Variants in NECTIN1 observed in about 807,000 individuals in gnomAD.
NECTIN1 encodes the protein nectin cell adhesion molecule 1, also known as nectin-1.
In NECTIN1, 23 loss-of-function variants were observed where a neutral mutation model predicts 48.0. That is an observed-to-expected ratio of 0.48 (90% CI 0.34 to 0.68). The LOEUF (loss-of-function observed/expected upper bound fraction) is 0.68, where lower values mean the gene tolerates loss of function less well. Ranked by LOEUF, NECTIN1 falls within the 30% of genes least tolerant of loss-of-function variation. The probability of loss-of-function intolerance (pLI) is 0.01; values close to 1 mark genes in which losing one functional copy is unlikely to be tolerated. For synonymous variants in NECTIN1, 270 were observed against 288.9 expected (o/e 0.93, Z 0.66); for missense variants, 591 against 709.9 (o/e 0.83, Z 1.90).
In NECTIN1 at chr11:119,661,509, C is replaced by G; in HGVS notation, c.*3238G>C. 1 of 985,934 alleles carries G rather than the reference C, an allele frequency of 1.0e-6. No individual in the cohort carries two copies. Among genetic ancestry groups the G allele is most frequent in the Non-Finnish European group, 1.2e-6 (1 of 830,018 alleles). The allele number at this position is 985,934 out of a possible 1,614,324, so 61.1% of individuals were successfully genotyped here. A position where few individuals can be genotyped will look rare whatever the true frequency, so the allele number is the denominator to read the frequency against. The stretch of plus-strand genomic sequence containing the variant: ...GCAGTCAGGCTTTGGGGGTCTCTGT[C>G]TGGACTCCTGAGGCCTGGGAGCACT... On this transcript the variant is annotated 3_prime_UTR_variant, in exon 6 of 6. Transcript: ENST00000264025.
At chr11:119,671,449 G>C (rs1864860773) in intron 5 of NECTIN1, among the ~76,000 whole-genome samples, 1 of 152,148 alleles carries the variant, frequency 6.6e-6, no homozygotes, top group African/African-American at 2.4e-5. Context: ...GCATGCCTTT[G>C]GGGTCCTGGT....
At chr11:119,648,254 AGGTGGTAATAGTGGT>A (rs1565376319) in intron 5 of NECTIN1, among the ~76,000 whole-genome samples, 3 of 16,744 alleles carry the variant, frequency 1.8e-4, no homozygotes, top group Non-Finnish European at 2.8e-4. Context: ...GTGGTGATAG[AGGTGGTAATAGTGGT>A]GGTGGTGATG....
In NECTIN1 at chr11:119,728,470, C is replaced by G; in HGVS notation, c.79+5G>C. ...GGTGGGGACAGCAGAGGTGAGCGCT[C>G]TTACCTGGGAGGAAGAATGCGGTCA... On this transcript the variant is annotated splice_donor_5th_base_variant and intron_variant, in intron 1 of 5. Transcript: ENST00000264025. The G allele has an allele frequency of 1.2e-6, 2 of 1,600,360 alleles. No individual in the cohort carries two copies. Among genetic ancestry groups the G allele is most frequent in the African/African-American group, 1.3e-5 (1 of 74,486 alleles).
chr11:119,669,331 G>C (rs1194886357), intron 5 of NECTIN1, among the ~76,000 whole-genome samples: 1 of 151,210 alleles, frequency 6.6e-6, no homozygotes, highest in Non-Finnish European at 1.5e-5. Flanking sequence ...AGAATTGCTT[G>C]AGCTGGGAGG....
intron 5 of NECTIN1, among the ~76,000 whole-genome samples, chr11:119,644,354 T>C (rs1864366128): frequency 6.6e-6 from 1 of 152,190 alleles, no homozygotes; most frequent in East Asian, 1.9e-4. Context: ...CGAGGAGCTT[T>C]GGGTCACACC....
downstream of NECTIN1, chr11:119,659,025 G>C (rs540383591): frequency 2.0e-5 from 3 of 152,342 alleles, no homozygotes; most frequent in East Asian, 5.8e-4. Flanking sequence ...ACAGATCTCT[G>C]TCTGGAGAAC....
At chr11:119,639,736 C>G (rs1257744100) in intron 6 of NECTIN1, 34 of 1,241,290 alleles carry the variant, frequency 2.7e-5, no homozygotes, top group Admixed American at 3.9e-5. Context: ...AGTTCCTGGT[C>G]CCCCAGGGTG....
intron 1 of NECTIN1, among the ~76,000 whole-genome samples, chr11:119,716,464 C>T (rs994955739): frequency 1.3e-5 from 2 of 152,192 alleles, no homozygotes; most frequent in African/African-American, 4.8e-5. Flanking sequence ...TCATCTCATC[C>T]CATTGTACAG....
At chr11:119,725,670 T>C (rs1408254778) in intron 1 of NECTIN1, among the ~76,000 whole-genome samples, 1 of 152,186 alleles carries the variant, frequency 6.6e-6, no homozygotes, top group East Asian at 1.9e-4. Flanking sequence ...ACTTGGAATT[T>C]CAAAGACCAC....
At position 119,677,547 on chromosome 11, in the gene NECTIN1, C is replaced by G. The variant is rs111575496; in HGVS notation, c.733+8G>C. On this transcript the variant is annotated splice_region_variant and intron_variant, in intron 3 of 5. Transcript: ENST00000264025. The surrounding 1 kb of genome is among the most constrained non-coding windows in gnomAD (Gnocchi z 5.4). ...CCCAGGAGGCCCCTGGCAGCCAGCC[C>G]TGCTCACACTGCACGTTGAGAGTGA... is the stretch of plus-strand genomic sequence containing the variant. 1 of 1,612,458 alleles carries G rather than the reference C, an allele frequency of 6.2e-7. No homozygotes were observed. The highest frequency in any genetic ancestry group is 1.3e-5 in the African/African-American group (1 of 74,978).
intron 6 of NECTIN1, chr11:119,638,937 G>T: frequency 1.2e-6 from 1 of 819,494 alleles, no homozygotes; most frequent in Non-Finnish European, 2.0e-6. Context: ...TTCCCAGGCA[G>T]CCTCCTGAGA....
Position 119,663,342 on chromosome 11 carries a change from A to C in NECTIN1, c.*1405T>G. The C allele has an allele frequency of 1.0e-6, 1 of 985,444 alleles. No homozygotes were observed. Among genetic ancestry groups the C allele is most frequent in the Non-Finnish European group, 1.2e-6 (1 of 829,918 alleles). 61.0% of individuals were successfully genotyped at this position (985,444 alleles called of 1,614,324 possible). On this transcript the variant is annotated 3_prime_UTR_variant, in exon 6 of 6. Coordinates refer to ENST00000264025, the MANE Select transcript of NECTIN1 (RefSeq NM_002855.5). ...GTCTTCCTCCATTATATACATGGGAAGACCCAGTCTGGGGTGGCTGATAGG... is the reference window on the plus strand; with the variant it reads ...GTCTTCCTCCATTATATACATGGGACGACCCAGTCTGGGGTGGCTGATAGG...
intron 1 of NECTIN1, among the ~76,000 whole-genome samples, chr11:119,682,542 C>A (rs1451411541): frequency 6.6e-6 from 1 of 152,186 alleles, no homozygotes; most frequent in Non-Finnish European, 1.5e-5. Flanking sequence ...CATTCCACCT[C>A]TGCCATTGAT....
chr11:119,718,149 G>A (rs1428737131), intron 1 of NECTIN1, among the ~76,000 whole-genome samples: 3 of 152,204 alleles, frequency 2.0e-5, no homozygotes, highest in Non-Finnish European at 2.9e-5. Context: ...GGTGTGCTGG[G>A]AGGAGCATCA....
chr11:119,725,742 G>A (rs1293811788), intron 1 of NECTIN1, among the ~76,000 whole-genome samples: 1 of 152,214 alleles, frequency 6.6e-6, no homozygotes, highest in Non-Finnish European at 1.5e-5. Flanking sequence ...GCTGTGACCC[G>A]ACAGGTCTTC....
chr11:119,728,524 A>G lies in NECTIN1; in HGVS notation c.30T>C (p.Ala10=), dbSNP rs1437720281. Residue 10 remains alanine, a synonymous_variant, in exon 1 of 6, where the codon GCT becomes GCC. Coordinates refer to ENST00000264025, the MANE Select transcript of NECTIN1 (RefSeq NM_002855.5). ...CGAGAGCGAGTCCCCACCAGCGTCC[A>G]GCGGCGCCCGCAAGCCCCATCCGAG... The part of the protein sequence containing the change: MARMGLAGA[A]GRWWGLALGL... 1 of 1,596,862 alleles carries G rather than the reference A, an allele frequency of 6.3e-7. No individual in the cohort carries two copies. The highest frequency in any genetic ancestry group is 2.3e-5 in the East Asian group (1 of 43,432).
chr11:119,652,599 GTCAT>G (rs1864509671), intron 5 of NECTIN1, among the ~76,000 whole-genome samples: 1 of 152,190 alleles, frequency 6.6e-6, no homozygotes, highest in Non-Finnish European at 1.5e-5. Context: ...AACATCCTTA[GTCAT>G]GGGGAAATGC....
At chr11:119,671,415 A>G (rs76199709) in intron 5 of NECTIN1, among the ~76,000 whole-genome samples, 3,249 of 152,158 alleles carry the variant, frequency 0.021, 95 homozygotes, top group African/African-American at 0.072. Flanking sequence ...TGGCTGGCCA[A>G]GACAGTGGGG....
rs1450391869 is a variant in NECTIN1, at chr11:119,684,344, C to G, written c.80-5579G>C. Among the ~76,000 whole-genome samples, 1 of 152,220 alleles carries G rather than the reference C, an allele frequency of 6.6e-6. No individual in the cohort carries two copies. The highest frequency in any genetic ancestry group is 1.5e-5 in the Non-Finnish European group (1 of 68,036). On this transcript the variant is annotated intron_variant, in intron 1 of 5. Transcript: ENST00000264025. This position sits in a 1 kb window ranked among gnomAD's most constrained non-coding sequence, Gnocchi z 5.2. ...CTTGAAGTGGCTGGGCAGGGGCAGC[C>G]AACTTGGCCTGGAGTAAAGTGGCGG...
Sources: gnomAD v4.1 joint callset for allele counts (sites outside exome capture counted in the v4.1 genomes callset) on GRCh38, gnomAD v4.1.1 for gene constraint, Gnocchi (gnomAD v3.1) non-coding constraint, MANE v1.5 for transcripts, NCBI Gene and HGNC (gene_info 2026-07-23, HGNC 2026-07-21) for gene names.